Variants in SLC35F4 observed in about 807,000 individuals in gnomAD.
SLC35F4 encodes the protein solute carrier family 35 member F4.
SLC35F4 carries 24 observed loss-of-function variants against 44.2 expected under a neutral mutation model. The observed-to-expected ratio is 0.54, with a 90% CI of 0.39 to 0.76. The LOEUF is 0.76. Ranked by LOEUF, SLC35F4 falls within the 30% of genes least tolerant of loss-of-function variation. SLC35F4 has a pLI of 0.00. For synonymous variants in SLC35F4, 238 were observed against 223.6 expected (o/e 1.06, Z -0.57); for missense variants, 562 against 586.1 (o/e 0.96, Z 0.42).
chr14:57,646,922 T>A (rs903759610), intron 1 of SLC35F4, among the ~76,000 whole-genome samples: 3 of 152,230 alleles, frequency 2.0e-5, no homozygotes, highest in African/African-American at 7.2e-5. Context: ...TTCCATGTAG[T>A]TGAGCGGTTT....
intron 1 of SLC35F4, among the ~76,000 whole-genome samples, chr14:57,813,258 A>C (rs1882176913): frequency 6.6e-6 from 1 of 152,196 alleles, no homozygotes; most frequent in Non-Finnish European, 1.5e-5. Flanking sequence ...CCCTTCTCAC[A>C]CAGCAGCTAA....
At chr14:57,912,524 C>T (rs1043215330) in intron 1 of SLC35F4, among the ~76,000 whole-genome samples, 7 of 151,898 alleles carry the variant, frequency 4.6e-5, no homozygotes, top group Admixed American at 1.3e-4. Flanking sequence ...TTGCCTTTGA[C>T]CCATGTGTCA....
intron 1 of SLC35F4, among the ~76,000 whole-genome samples, chr14:57,755,181 T>G (rs2076967742): frequency 6.6e-6 from 1 of 152,174 alleles, no homozygotes; most frequent in African/African-American, 2.4e-5. Context: ...CAATCCACCC[T>G]GGACCCACCA....
At chr14:57,904,287 A>C (rs1469598668) in intron 1 of SLC35F4, among the ~76,000 whole-genome samples, 1 of 152,208 alleles carries the variant, frequency 6.6e-6, no homozygotes, top group Non-Finnish European at 1.5e-5. Flanking sequence ...CAACCAAAAC[A>C]ACCATAACCC....
intron 1 of SLC35F4, among the ~76,000 whole-genome samples, chr14:57,920,076 C>A (rs1302917701): frequency 6.6e-6 from 1 of 152,116 alleles, no homozygotes; most frequent in East Asian, 1.9e-4. Flanking sequence ...ACAATATATG[C>A]ACGTTGTTTC....
chr14:57,893,654 T>C (rs572357274), intron 1 of SLC35F4, among the ~76,000 whole-genome samples: 5 of 152,280 alleles, frequency 3.3e-5, no homozygotes, highest in South Asian at 2.1e-4. Flanking sequence ...TTGTAACTCA[T>C]GTCCTGGACC....
At chr14:57,600,054 G>A (rs1451184393) in intron 1 of SLC35F4, among the ~76,000 whole-genome samples, 1 of 152,124 alleles carries the variant, frequency 6.6e-6, no homozygotes, top group Non-Finnish European at 1.5e-5. Flanking sequence ...ATCTGGAGGA[G>A]TAAAGAAAAG....
intron 1 of SLC35F4, among the ~76,000 whole-genome samples, chr14:57,726,742 T>C (rs1239025807): frequency 6.6e-6 from 1 of 152,180 alleles, no homozygotes; most frequent in African/African-American, 2.4e-5. Context: ...TGATGGTTAA[T>C]ACTGAGTGTC....
intron 1 of SLC35F4, among the ~76,000 whole-genome samples, chr14:57,894,081 A>G (rs1210824785): frequency 6.6e-6 from 1 of 152,172 alleles, no homozygotes; most frequent in East Asian, 1.9e-4. Context: ...AAATGGAGAC[A>G]GACCACATGA....
At chr14:57,731,537 T>A (rs1263015746) in intron 1 of SLC35F4, among the ~76,000 whole-genome samples, 1 of 152,170 alleles carries the variant, frequency 6.6e-6, no homozygotes, top group African/African-American at 2.4e-5. Flanking sequence ...GGCAGACATA[T>A]GGTTGTCTTC....
At chr14:57,808,143 C>T (rs2140877596) in intron 1 of SLC35F4, among the ~76,000 whole-genome samples, 1 of 151,918 alleles carries the variant, frequency 6.6e-6, no homozygotes, top group East Asian at 1.9e-4. Context: ...ACAGCCAAGC[C>T]ATATCAGGCA....
rs2072067130 is a variant in SLC35F4 at position 57,619,699 on chromosome 14, T to C, written c.104-25575A>G. 2.6e-5 allele frequency among the ~76,000 whole-genome samples: 4 copies of C among 151,992 alleles called. No homozygotes were observed. The South Asian group carries it at 6.2e-4, about 24-fold the overall frequency. On this transcript the variant is annotated intron_variant, in intron 1 of 7. Transcript: ENST00000556826. ...CTGAACGTAGAATGAGTTTGACAAATGGACAGAAGTAGGCTTCAGAAGGTG... is the reference window on the plus strand; with the variant it reads ...CTGAACGTAGAATGAGTTTGACAAACGGACAGAAGTAGGCTTCAGAAGGTG...
At chr14:57,583,117 G>A (rs1191605266) in intron 3 of SLC35F4, among the ~76,000 whole-genome samples, 2 of 152,184 alleles carry the variant, frequency 1.3e-5, no homozygotes, top group African/African-American at 2.4e-5. Flanking sequence ...TAACTTTAAA[G>A]CCTTCTGTAA....
At chr14:57,564,841 TC>T (rs5808925) in intron 7 of SLC35F4, among the ~76,000 whole-genome samples, 37,558 of 152,144 alleles carry the variant, frequency 0.25, 5,609 homozygotes, top group Admixed American at 0.36. Flanking sequence ...CTCTCTCTGG[TC>T]CCCAGATATC....
rs971494331 is a variant in SLC35F4, at chr14:57,912,146, C to T, written n.282+69767G>A. On this transcript the variant is annotated intron_variant and non_coding_transcript_variant, in intron 1 of 1. Transcript: ENST00000556568. ...TTTCATTTCTGTTATTAGTAATCTG[C>T]ACATCTTTTTTCTTAGCCTGGCTAG... Among the ~76,000 whole-genome samples, 2 of 151,814 alleles carry T rather than the reference C, an allele frequency of 1.3e-5. 1 individual carries two copies. The highest frequency in any genetic ancestry group is 2.9e-5 in the Non-Finnish European group (2 of 67,816).
chr14:57,743,398 C>CCACAGAAAT (rs2076669731), intron 1 of SLC35F4, among the ~76,000 whole-genome samples: 2 of 152,046 alleles, frequency 1.3e-5, no homozygotes, highest in Admixed American at 1.3e-4. Flanking sequence ...GGGATATCAC[C>CCACAGAAAT]ACCAATCCCA....
intron 7 of SLC35F4, among the ~76,000 whole-genome samples, chr14:57,565,363 C>A (rs1033022537): frequency 1.3e-5 from 2 of 152,210 alleles, no homozygotes; most frequent in Non-Finnish European, 2.9e-5. Context: ...CCTTAGGCTT[C>A]TTGCAGGAAG....
chr14:57,746,620 T>G (rs1360911926), intron 1 of SLC35F4, among the ~76,000 whole-genome samples: 1 of 149,208 alleles, frequency 6.7e-6, no homozygotes, highest in Admixed American at 6.7e-5. Flanking sequence ...TTGTCATATC[T>G]TTGTTAAAAA....
intron 1 of SLC35F4, among the ~76,000 whole-genome samples, chr14:57,977,112 A>T (rs1881241444): frequency 6.6e-6 from 1 of 152,188 alleles, no homozygotes; most frequent in African/African-American, 2.4e-5. Context: ...AATCCTACCT[A>T]AAGTGAAGGA....
Sources: allele counts gnomAD v4.1 joint callset (sites outside exome capture counted in the v4.1 genomes callset), GRCh38; gene constraint gnomAD v4.1.1; transcripts MANE v1.5; gene names NCBI Gene and HGNC (gene_info 2026-07-23, HGNC 2026-07-21).